The following GLIS3 variants were observed in gnomAD, a reference collection of about 807,000 sequenced individuals.
GLIS3 encodes zinc finger protein GLIS3.
Under a neutral mutation model 78.6 loss-of-function variants are expected in GLIS3, and 53 were observed. The ratio of observed to expected loss-of-function variants is 0.67; its 90% confidence interval spans 0.54 to 0.85. The LOEUF (loss-of-function observed/expected upper bound fraction) is 0.85, where lower values mean the gene tolerates loss of function less well. GLIS3 is among the 40% of genes least tolerant of loss of function. The probability of loss-of-function intolerance (pLI) is 0.00; values close to 1 mark genes in which losing one functional copy is unlikely to be tolerated. For missense variants in GLIS3, 1,703 were observed against 1,231.1 expected (o/e 1.38, Z -5.74); for synonymous variants, 684 against 509.9 (o/e 1.34, Z -4.60).
chr9:4,082,349 G>A (rs748021752), intron 4 of GLIS3, among the ~76,000 whole-genome samples: 3 of 152,170 alleles, frequency 2.0e-5, no homozygotes, highest in African/African-American at 7.2e-5. Flanking sequence ...AAAGAAGATA[G>A]AACGAAGGAA....
At chr9:4,232,999 C>G (rs1359142618) in intron 2 of GLIS3, among the ~76,000 whole-genome samples, 2 of 152,126 alleles carry the variant, frequency 1.3e-5, no homozygotes, top group African/African-American at 4.8e-5. Flanking sequence ...TCTGCTACTC[C>G]ACTTCCAAGA....
rs117552013 is a variant in GLIS3, at chr9:4,246,751, T to A, written c.388+39287A>T. Among the ~76,000 whole-genome samples, 638 of 152,360 alleles carry A rather than the reference T, an allele frequency of 4.2e-3. 4 individuals are homozygous for A. The highest frequency in any genetic ancestry group is 6.1e-3 in the Non-Finnish European group (414 of 68,036). On this transcript the variant is annotated intron_variant, in intron 2 of 10. Coordinates refer to ENST00000381971, the MANE Select transcript of GLIS3 (RefSeq NM_001042413.2). ...CTAAAACAAAACTGCATGTGGCCTG[T>A]TGTAGCAGCTATTTGGAGTTCTTAA...
intron 2 of GLIS3, among the ~76,000 whole-genome samples, chr9:4,202,966 G>GAC (rs1819537621): frequency 6.6e-6 from 1 of 152,194 alleles, no homozygotes; most frequent in Non-Finnish European, 1.5e-5. Flanking sequence ...AACAAAAGTT[G>GAC]ACAAGTGGGA....
At chr9:3,834,019 T>C (rs1443755342) in intron 9 of GLIS3, among the ~76,000 whole-genome samples, 1 of 152,232 alleles carries the variant, frequency 6.6e-6, no homozygotes, top group Non-Finnish European at 1.5e-5. Context: ...ATTTTTTATT[T>C]CCATGATTCA....
intron 6 of GLIS3, among the ~76,000 whole-genome samples, chr9:3,905,425 T>C (rs1250521280): frequency 1.3e-5 from 2 of 152,106 alleles, no homozygotes; most frequent in Admixed American, 6.5e-5. Flanking sequence ...CACCATGCCC[T>C]TTAGGGAAAG....
At chr9:4,406,540 T>C in the GLIS3 span, among the ~76,000 whole-genome samples, 7 of 152,118 alleles carry the variant, frequency 4.6e-5, no homozygotes, top group African/African-American at 1.7e-4. Context: ...GATATGATCT[T>C]ATACTTGGAA....
At chr9:3,989,171 G>T (rs1055943379) in intron 4 of GLIS3, among the ~76,000 whole-genome samples, 2 of 151,978 alleles carry the variant, frequency 1.3e-5, no homozygotes, top group Non-Finnish European at 2.9e-5. Context: ...AATCATCAGG[G>T]GAAGGCAAAT....
chr9:4,192,830 A>G (rs1253492644), intron 2 of GLIS3, among the ~76,000 whole-genome samples: 1 of 152,116 alleles, frequency 6.6e-6, no homozygotes, highest in Non-Finnish European at 1.5e-5. Context: ...AAGAAGAAGA[A>G]GAAAGGAAGA....
intron 4 of GLIS3, among the ~76,000 whole-genome samples, chr9:4,049,699 C>T (rs1292209160): frequency 6.6e-6 from 1 of 152,148 alleles, no homozygotes; most frequent in Non-Finnish European, 1.5e-5. Flanking sequence ...ATCTACCCAT[C>T]TGACAAAGGA....
chr9:3,932,157 T>G (rs62521456), intron 6 of GLIS3, among the ~76,000 whole-genome samples: 3 of 121,988 alleles, frequency 2.5e-5, no homozygotes, highest in African/African-American at 7.8e-5. Context: ...CATAGCCATA[T>G]CAGCTATGCA....
chr9:4,345,734 G>A (rs1817889264), intron 2 of GLIS3, among the ~76,000 whole-genome samples: 1 of 152,156 alleles, frequency 6.6e-6, no homozygotes, highest in African/African-American at 2.4e-5. Context: ...AAAAGCCAAA[G>A]TTACATGGAA....
chr9:4,106,586 T>C (rs146250591), intron 4 of GLIS3, among the ~76,000 whole-genome samples: 4,141 of 152,340 alleles, frequency 0.027, 73 homozygotes, highest in Non-Finnish European at 0.039. Context: ...TAGAGGCACA[T>C]TGTCATTTTT....
chr9:3,934,691 G>C (rs1825797836), intron 5 of GLIS3, among the ~76,000 whole-genome samples: 1 of 152,168 alleles, frequency 6.6e-6, no homozygotes, highest in Admixed American at 6.5e-5. Flanking sequence ...TTATAGGCGT[G>C]AGCCACCGTG....
intron 2 of GLIS3, among the ~76,000 whole-genome samples, chr9:4,271,695 G>C (rs1214483199): frequency 6.6e-6 from 1 of 152,054 alleles, no homozygotes; most frequent in Non-Finnish European, 1.5e-5. Context: ...GTGGGTTTCA[G>C]GTACCTGCAA....
intron 7 of GLIS3, among the ~76,000 whole-genome samples, chr9:3,891,098 GGAGGAA>G (rs1284350004): frequency 1.3e-5 from 2 of 148,338 alleles, no homozygotes; most frequent in African/African-American, 2.5e-5. Flanking sequence ...GAAGAAAGTA[GGAGGAA>G]GAGGAGGAGG....
At chr9:4,187,307 G>C (rs1410104398) in intron 2 of GLIS3, among the ~76,000 whole-genome samples, 1 of 152,126 alleles carries the variant, frequency 6.6e-6, no homozygotes, top group South Asian at 2.1e-4. Flanking sequence ...GATACTTGTA[G>C]ATATGCTGCG....
At chr9:4,199,194 G>A (rs981828582) in intron 2 of GLIS3, among the ~76,000 whole-genome samples, 2 of 152,096 alleles carry the variant, frequency 1.3e-5, no homozygotes, top group African/African-American at 4.8e-5. Flanking sequence ...TCATAGAAGG[G>A]TCAAAGTCTC....
At chr9:4,306,667 G>C (rs1421323217) in intron 4 of GLIS3, among the ~76,000 whole-genome samples, 1 of 152,212 alleles carries the variant, frequency 6.6e-6, no homozygotes, top group Non-Finnish European at 1.5e-5. Flanking sequence ...AGGAATCATA[G>C]AGAAATGTCT....
At chr9:4,473,454 C>CACCAAAAA in the GLIS3 span, among the ~76,000 whole-genome samples, 24 of 58,842 alleles carry the variant, frequency 4.1e-4, 3 homozygotes, top group Non-Finnish European at 7.3e-4. Context: ...TCAACAACAA[C>CACCAAAAA]AACAACAAAA....
Sources: gnomAD v4.1 joint callset for allele counts (sites outside exome capture counted in the v4.1 genomes callset) on GRCh38, gnomAD v4.1.1 for gene constraint, MANE v1.5 for transcripts, NCBI Gene and HGNC (gene_info 2026-07-23, HGNC 2026-07-21) for gene names.